The following LMNTD1 variants were observed in gnomAD, a reference collection of about 807,000 sequenced individuals.
The protein encoded by LMNTD1 is lamin tail domain-containing protein 1.
LMNTD1 carries 35 observed loss-of-function variants against 50.9 expected under a neutral mutation model. That is an observed-to-expected ratio of 0.69 (90% CI 0.53 to 0.91). The LOEUF (loss-of-function observed/expected upper bound fraction) is 0.91, where lower values mean the gene tolerates loss of function less well. Ranked by LOEUF, LMNTD1 falls within the 40% of genes least tolerant of loss-of-function variation. The pLI is 0.00. For synonymous variants in LMNTD1, 153 were observed against 161.9 expected (o/e 0.94, Z 0.42); for missense variants, 470 against 475.5 (o/e 0.99, Z 0.11).
At chr12:25,538,537 AC>A (rs1383652834) in intron 4 of LMNTD1, among the ~76,000 whole-genome samples, 6 of 139,704 alleles carry the variant, frequency 4.3e-5, no homozygotes. Flanking sequence ...AGATTTTGTC[AC>A]CACCAGGCCT....
chr12:25,531,654 G>A (rs1024333446), intron 4 of LMNTD1, among the ~76,000 whole-genome samples: 127 of 152,066 alleles, frequency 8.4e-4, no homozygotes, highest in Non-Finnish European at 2.2e-4. Context: ...GATGTTGGTA[G>A]TGCTTTTTGA....
intron 1 of LMNTD1, among the ~76,000 whole-genome samples, chr12:25,573,388 G>A (rs1944876007): frequency 6.6e-6 from 1 of 152,104 alleles, no homozygotes; most frequent in Non-Finnish European, 1.5e-5. Context: ...TAGAATTAAT[G>A]AGAATTCAGG....
chr12:25,591,431 G>T (rs924524187), intron 1 of LMNTD1, among the ~76,000 whole-genome samples: 14 of 151,906 alleles, frequency 9.2e-5, no homozygotes, highest in Admixed American at 8.5e-4. Flanking sequence ...CTTTGGAAAG[G>T]GGATGGAAGA....
intron 8 of LMNTD1, among the ~76,000 whole-genome samples, chr12:25,504,363 T>C (rs894141115): frequency 1.3e-5 from 2 of 152,196 alleles, no homozygotes; most frequent in Admixed American, 6.5e-5. Context: ...TTCCTTACTC[T>C]CATCTACTTA....
chr12:25,636,007 C>A (rs2136610935), intron 1 of LMNTD1, among the ~76,000 whole-genome samples: 1 of 152,258 alleles, frequency 6.6e-6, no homozygotes, highest in Admixed American at 6.5e-5. Context: ...AGACTTAAAT[C>A]TAAGACCTGA....
At chr12:25,648,435 A>G in intron 1 of LMNTD1, 3 of 1,377,208 alleles carry the variant, frequency 2.2e-6, no homozygotes, top group South Asian at 1.2e-5. Flanking sequence ...ATAAAAAGGA[A>G]ATGAGGGAAG....
At chr12:25,627,212 A>G (rs1946608664) in intron 1 of LMNTD1, among the ~76,000 whole-genome samples, 2 of 152,214 alleles carry the variant, frequency 1.3e-5, no homozygotes. Context: ...ATAACTCACA[A>G]TAACTTATTG....
chr12:25,615,724 G>T (rs1268937718), intron 1 of LMNTD1, among the ~76,000 whole-genome samples: 1 of 152,140 alleles, frequency 6.6e-6, no homozygotes, highest in Non-Finnish European at 1.5e-5. Flanking sequence ...GCCTCCTAAA[G>T]TGCTGGGACT....
intron 8 of LMNTD1, among the ~76,000 whole-genome samples, chr12:25,504,462 C>T (rs1939593283): frequency 6.6e-6 from 1 of 152,084 alleles, no homozygotes; most frequent in South Asian, 2.1e-4. Context: ...TTGAATGATA[C>T]CAAGTACAAA....
chr12:25,636,706 A>ACAAT (rs1361369889), intron 1 of LMNTD1, among the ~76,000 whole-genome samples: 3 of 152,220 alleles, frequency 2.0e-5, no homozygotes, highest in African/African-American at 7.2e-5. Context: ...AGCACAATTC[A>ACAAT]CAATTGCAAA....
chr12:25,482,201 T>G lies in LMNTD1; in HGVS notation c.*23-5741A>C, dbSNP rs184537577. Among the ~76,000 whole-genome samples, 146 of 152,102 alleles carry G rather than the reference T, an allele frequency of 9.6e-4. 1 individual carries two copies. Among genetic ancestry groups the G allele is most frequent in the Admixed American group, 6.2e-3 (95 of 15,290 alleles). ...CACATTTGAAAGTTATGAGGTAAAGTGATGAACTGGCTGTGTTTGATTAGA... is the reference window on the plus strand; with the variant it reads ...CACATTTGAAAGTTATGAGGTAAAGGGATGAACTGGCTGTGTTTGATTAGA... On this transcript the variant is annotated intron_variant, in intron 9 of 9. Coordinates refer to ENST00000458174, the MANE Select transcript of LMNTD1 (RefSeq NM_001145728.2).
intron 1 of LMNTD1, among the ~76,000 whole-genome samples, chr12:25,598,431 T>G (rs1592089082): frequency 6.6e-6 from 1 of 151,800 alleles, no homozygotes; most frequent in African/African-American, 2.4e-5. Flanking sequence ...ACTAGTCCAA[T>G]GATGCATCTT....
chr12:25,555,422 C>G (rs896496950), upstream of LMNTD1, among the ~76,000 whole-genome samples: 4 of 152,080 alleles, frequency 2.6e-5, no homozygotes, highest in Non-Finnish European at 5.9e-5. Context: ...AGCACATTAG[C>G]TAATCAACTA....
At chr12:25,580,325 GCA>G in intron 1 of LMNTD1, among the ~76,000 whole-genome samples, 1 of 151,990 alleles carries the variant, frequency 6.6e-6, no homozygotes. Context: ...AAACTGATAC[GCA>G]ATCATTTGCA....
At chr12:25,558,093 A>G (rs1290804405), upstream of LMNTD1, among the ~76,000 whole-genome samples, 2 of 152,216 alleles carry the variant, frequency 1.3e-5, no homozygotes, top group African/African-American at 2.4e-5. Flanking sequence ...GGAGCACTCA[A>G]TTAAAGGAGT....
At chr12:25,545,313 T>G (rs1276016117) in intron 4 of LMNTD1, among the ~76,000 whole-genome samples, 2 of 151,664 alleles carry the variant, frequency 1.3e-5, no homozygotes, top group African/African-American at 4.8e-5. Context: ...CACTGAGAAG[T>G]CTGTTGCTAG....
At chr12:25,642,898 C>T (rs1234607037) in intron 1 of LMNTD1, among the ~76,000 whole-genome samples, 1 of 152,172 alleles carries the variant, frequency 6.6e-6, no homozygotes, top group Non-Finnish European at 1.5e-5. Flanking sequence ...TCAGATTTCT[C>T]AGGACTGTAT....
rs1397278140 is a variant in LMNTD1, at chr12:25,527,673, TATATATATACACACACACACAC to T, written c.492-740_492-719del. 9.3e-4 allele frequency among the ~76,000 whole-genome samples: 20 copies of T among 21,458 alleles called. No individual in the cohort carries two copies. The East Asian group carries it at 0.072, about 77-fold the overall frequency. 14.1% of individuals were successfully genotyped at this position (21,458 alleles called of 152,430 possible). A position where few individuals can be genotyped will look rare whatever the true frequency, so the allele number is the denominator to read the frequency against. The stretch of plus-strand genomic sequence containing the variant: ...ATATATATATATATATATATATATA[TATATATATACACACACACACAC>T]ACACACACACACACACACACACACA... On this transcript the variant is annotated intron_variant, in intron 4 of 9. Transcript: ENST00000458174.
At chr12:25,583,910 T>G (rs1565501888) in intron 1 of LMNTD1, among the ~76,000 whole-genome samples, 1 of 152,194 alleles carries the variant, frequency 6.6e-6, no homozygotes, top group African/African-American at 2.4e-5. Context: ...GGCTTGTGTC[T>G]TTAAAGGACT....
Sources: allele counts gnomAD v4.1 joint callset (sites outside exome capture counted in the v4.1 genomes callset), GRCh38; gene constraint gnomAD v4.1.1; transcripts MANE v1.5; gene names NCBI Gene and HGNC (gene_info 2026-07-23, HGNC 2026-07-21).